DLG2: variants seen among roughly 807,000 people sequenced by gnomAD.
The protein encoded by DLG2 is discs large MAGUK scaffold protein 2.
DLG2 carries 45 observed loss-of-function variants against 132.5 expected under a neutral mutation model. That is an observed-to-expected ratio of 0.34 (90% CI 0.27 to 0.44). The LOEUF (loss-of-function observed/expected upper bound fraction) is 0.44, where lower values mean the gene tolerates loss of function less well. DLG2 is among the 20% of genes least tolerant of loss of function. DLG2 has a pLI of 1.00. For synonymous variants in DLG2, 424 were observed against 419.6 expected (o/e 1.01, Z -0.13); for missense variants, 1,045 against 1,196.9 (o/e 0.87, Z 1.87).
chr11:84,127,440 G>C (rs1417096787), intron 9 of DLG2, among the ~76,000 whole-genome samples: 6 of 152,130 alleles, frequency 3.9e-5, no homozygotes, highest in Admixed American at 1.3e-4. Flanking sequence ...CACAGTACTG[G>C]AGGCTAGAAG....
At chr11:84,647,996 A>C (rs2099676979) in intron 6 of DLG2, among the ~76,000 whole-genome samples, 1 of 152,198 alleles carries the variant, frequency 6.6e-6, no homozygotes, top group African/African-American at 2.4e-5. Context: ...TAAAGTAGGA[A>C]TTATTAGCCC....
At chr11:85,428,255 C>A (rs927138773) in intron 3 of DLG2, among the ~76,000 whole-genome samples, 2 of 152,202 alleles carry the variant, frequency 1.3e-5, no homozygotes, top group Admixed American at 1.3e-4. Context: ...AGGAATTCAA[C>A]TCAGCTCTGC....
At chr11:84,497,663 T>C (rs2099188597) in intron 7 of DLG2, among the ~76,000 whole-genome samples, 1 of 152,212 alleles carries the variant, frequency 6.6e-6, no homozygotes, top group African/African-American at 2.4e-5. Context: ...TCTCATGTCA[T>C]GAGTTTGGGA....
intron 19 of DLG2, among the ~76,000 whole-genome samples, chr11:83,565,313 TA>T (rs2096686924): frequency 6.6e-6 from 1 of 152,152 alleles, no homozygotes; most frequent in African/African-American, 2.4e-5. Context: ...GCAAAAACAA[TA>T]TATCTTCTCT....
intron 19 of DLG2, among the ~76,000 whole-genome samples, chr11:83,570,320 T>C (rs2096777386): frequency 6.6e-6 from 1 of 152,140 alleles, no homozygotes. Flanking sequence ...GAGATGAAAA[T>C]TCTTCTTAGT....
chr11:84,308,484 T>C (rs897800063), intron 7 of DLG2, among the ~76,000 whole-genome samples: 3 of 152,220 alleles, frequency 2.0e-5, no homozygotes, highest in Non-Finnish European at 4.4e-5. Context: ...CCCAGCTGGC[T>C]TCACCCAGTG....
intron 10 of DLG2, among the ~76,000 whole-genome samples, chr11:84,068,251 C>G (rs1015608743): frequency 2.0e-5 from 3 of 152,212 alleles, no homozygotes; most frequent in African/African-American, 7.2e-5. Flanking sequence ...TTCTTCCCAG[C>G]GCTTAATTGT....
In DLG2 at chr11:84,721,825, G is replaced by C. The variant is rs909687798; in HGVS notation, c.358-187094C>G. On this transcript the variant is annotated intron_variant, in intron 6 of 27. Transcript: ENST00000376104. The stretch of plus-strand genomic sequence containing the variant: ...ACCCCTGTTTGCTTACCTGTAACTA[G>C]ATGGTATTAACCCCTAACCTAAAGG... Among the ~76,000 whole-genome samples the C allele has an allele frequency of 4.6e-5, 7 of 152,324 alleles. No individual in the cohort carries two copies. In the South Asian group the frequency reaches 6.2e-4, roughly 14 times the overall value.
chr11:83,532,929 A>G, intron 20 of DLG2, 146 bp from the exon 21 acceptor site: 1 of 695,742 alleles, frequency 1.4e-6, no homozygotes, highest in African/African-American at 1.8e-5. Context: ...TGTTCCATAT[A>G]AAAAATCTTG....
intron 21 of DLG2, among the ~76,000 whole-genome samples, chr11:83,489,372 C>G (rs896069362): frequency 6.6e-6 from 1 of 151,784 alleles, no homozygotes; most frequent in Non-Finnish European, 1.5e-5. Flanking sequence ...TTGCAAGAAA[C>G]CAATAAAAAA....
chr11:84,894,088 C>T (rs2089851641), intron 6 of DLG2, among the ~76,000 whole-genome samples: 1 of 152,070 alleles, frequency 6.6e-6, no homozygotes, highest in Admixed American at 6.6e-5. Flanking sequence ...GTATACAATG[C>T]CATCCTTTCT....
At chr11:84,453,135 A>C (rs1232141119) in intron 7 of DLG2, among the ~76,000 whole-genome samples, 1 of 151,646 alleles carries the variant, frequency 6.6e-6, no homozygotes, top group Non-Finnish European at 1.5e-5. Context: ...GATATCTTTT[A>C]GACATCTGAC....
At chr11:84,439,918 C>T (rs2099012510) in intron 7 of DLG2, among the ~76,000 whole-genome samples, 1 of 152,142 alleles carries the variant, frequency 6.6e-6, no homozygotes, top group South Asian at 2.1e-4. Flanking sequence ...CCACTGATAT[C>T]ATAGAGAGAA....
intron 6 of DLG2, chr11:85,020,675 G>A (rs1592793467): frequency 2.3e-6 from 1 of 438,688 alleles, no homozygotes; most frequent in Non-Finnish European, 4.4e-6. Flanking sequence ...AATGGGGAAA[G>A]GATTCCCTAT....
intron 20 of DLG2, among the ~76,000 whole-genome samples, chr11:83,535,456 C>T (rs997565827): frequency 2.9e-4 from 44 of 152,092 alleles, no homozygotes; most frequent in Admixed American, 1.2e-3. Flanking sequence ...GCCCTGCACC[C>T]CAACCCCATT....
At chr11:83,660,409 T>A (rs2073950717) in intron 18 of DLG2, among the ~76,000 whole-genome samples, 1 of 152,190 alleles carries the variant, frequency 6.6e-6, no homozygotes, top group Non-Finnish European at 1.5e-5. Flanking sequence ...AAATTAAAAA[T>A]TTTACAACAA....
intron 14 of DLG2, among the ~76,000 whole-genome samples, chr11:83,959,869 T>C (rs1174792889): frequency 1.3e-5 from 2 of 152,118 alleles, no homozygotes; most frequent in African/African-American, 4.8e-5. Flanking sequence ...GAATATCATA[T>C]AAATAATATA....
At chr11:84,873,862 C>G (rs546377015) in intron 6 of DLG2, among the ~76,000 whole-genome samples, 2 of 152,270 alleles carry the variant, frequency 1.3e-5, no homozygotes, top group African/African-American at 4.8e-5. Flanking sequence ...AGCAGATCAA[C>G]TGGAAACTGA....
At chr11:84,923,190 T>G in intron 6 of DLG2, 1 of 1,608,866 alleles carries the variant, frequency 6.2e-7, no homozygotes, top group Non-Finnish European at 8.5e-7. Context: ...CACACGATCC[T>G]GGGCATGTGC....
Sources: gnomAD v4.1 joint callset for allele counts (sites outside exome capture counted in the v4.1 genomes callset) on GRCh38, gnomAD v4.1.1 for gene constraint, MANE v1.5 for transcripts, NCBI Gene and HGNC (gene_info 2026-07-23, HGNC 2026-07-21) for gene names.